TNIP1: variants seen among roughly 807,000 people sequenced by gnomAD.
TNIP1 encodes the protein TNFAIP3 interacting protein 1.
In TNIP1, 22 loss-of-function variants were observed where a neutral mutation model predicts 86.6. The ratio of observed to expected loss-of-function variants is 0.25; its 90% CI spans 0.18 to 0.36. The LOEUF (loss-of-function observed/expected upper bound fraction) is 0.36. TNIP1 is among the 10% of genes least tolerant of loss of function. The pLI is 1.00. For missense variants in TNIP1, 709 were observed against 820.6 expected (o/e 0.86, Z 1.66); for synonymous variants, 294 against 313.0 (o/e 0.94, Z 0.64).
At chr5:151,064,665 A>T (rs1413589790) in intron 2 of TNIP1, among the ~76,000 whole-genome samples, 3 of 152,154 alleles carry the variant, frequency 2.0e-5, no homozygotes, top group Non-Finnish European at 4.4e-5. Flanking sequence ...CTCTAGTTCC[A>T]TGGCCATTAA....
rs1002093576 is a variant in TNIP1 at position 151,052,706 on chromosome 5, C to T, written c.628-447G>A. Among the ~76,000 whole-genome samples the T allele has an allele frequency of 2.6e-5, 4 of 152,212 alleles. No homozygotes were observed. In the East Asian group the frequency reaches 5.8e-4, roughly 22 times the overall value. ...CCTTGCTCACAGCCCCCCGCTTTTA[C>T]GCTTCTCAGCACCTGTGGCAGATAA... On this transcript the variant is annotated intron_variant, in intron 6 of 17. Transcript: ENST00000521591.
Position 151,042,580 on chromosome 5 carries a change from C to A in TNIP1, c.1094G>T (p.Arg365Leu), listed in dbSNP as rs375343575. ...CTTGGACTTGGCCAGGAGGAGCTTG[C>A]GGTCAAAGTCACGCTGCTTCTGCTC... ...EREQKQRDFD[R>L]KLLLAKSKIE... is the part of the protein sequence containing the mutation. Residue 365 changes from arginine to leucine, a missense_variant, in exon 11 of 18, where the codon CGC becomes CTC. Coordinates refer to ENST00000521591, the MANE Select transcript of TNIP1 (RefSeq NM_006058.5). The A allele has an allele frequency of 1.2e-6, 2 of 1,613,620 alleles. No homozygotes were observed. The highest frequency in any genetic ancestry group is 2.7e-5 in the African/African-American group (2 of 75,034).
chr5:151,043,783 A>G (rs573941911), intron 9 of TNIP1, among the ~76,000 whole-genome samples: 39 of 149,990 alleles, frequency 2.6e-4, no homozygotes, highest in African/African-American at 9.4e-4. Context: ...CTTAAAAAAA[A>G]AAAAGAAAAG....
intron 7 of TNIP1, among the ~76,000 whole-genome samples, chr5:151,050,760 C>T (rs1759814997): frequency 6.6e-6 from 1 of 152,058 alleles, no homozygotes. Flanking sequence ...CAGCCACCCC[C>T]AACCTCCCCC....
chr5:151,061,615 G>A (rs1761578929), intron 4 of TNIP1, among the ~76,000 whole-genome samples: 1 of 152,016 alleles, frequency 6.6e-6, no homozygotes, highest in Non-Finnish European at 1.5e-5. Context: ...CCAAGTAGCT[G>A]GAACCACAGA....
rs761038815 is a variant in TNIP1 at position 151,042,978 on chromosome 5, G to A, written c.937-17C>T. 14 of 1,613,844 alleles carry A rather than the reference G, an allele frequency of 8.7e-6. No homozygotes were observed. The highest frequency in any genetic ancestry group is 1.2e-5 in the Non-Finnish European group (14 of 1,179,910). On this transcript the variant is annotated splice_polypyrimidine_tract_variant and intron_variant, in intron 9 of 17. Coordinates refer to ENST00000521591, the MANE Select transcript of TNIP1 (RefSeq NM_006058.5). ...TTCCAGCAGCTGTGGGGAGAGACTGGAGTTAGCAGGAGATGAGCAGAGAAG... is the reference window on the plus strand; with the variant it reads ...TTCCAGCAGCTGTGGGGAGAGACTGAAGTTAGCAGGAGATGAGCAGAGAAG...
At chr5:151,076,347 G>T (rs1340487159) in intron 1 of TNIP1, among the ~76,000 whole-genome samples, 1 of 152,128 alleles carries the variant, frequency 6.6e-6, no homozygotes, top group African/African-American at 2.4e-5. Context: ...GGCATGTGGG[G>T]GCATAGCAGC....
rs375814786 is a variant in TNIP1, at chr5:151,064,896, GAGGGAC to G, written c.136+58_136+63del. 7.0e-4 allele frequency: 1,118 copies of G among 1,606,484 alleles called. 9 individuals are homozygous for G. In the African/African-American group the frequency reaches 0.013, roughly 19 times the overall value. ...CCAGCTTCATTCTCCACTGCTAGTA[GAGGGAC>G]TGGCATCACAGTCTGCAGGGAGGGG... is the stretch of plus-strand genomic sequence containing the variant. On this transcript the variant is annotated intron_variant, in intron 2 of 17. Coordinates refer to ENST00000521591, the MANE Select transcript of TNIP1 (RefSeq NM_006058.5).
Position 151,062,326 on chromosome 5 carries a change from G to C in TNIP1, c.272-114C>G, listed in dbSNP as rs1368786130. 7 of 949,866 alleles carry C rather than the reference G, an allele frequency of 7.4e-6. No homozygotes were observed. In the Admixed American group the frequency reaches 1.0e-4, roughly 14 times the overall value. The allele number at this position is 949,866 out of a possible 1,614,324, so 58.8% of individuals were successfully genotyped here. ...TTCTCAGACAGGATTCCCCACTCGA[G>C]TGTGGGAGAATGGGAGGTGGTCTCA... is the stretch of plus-strand genomic sequence containing the variant. On this transcript the variant is annotated intron_variant, in intron 3 of 17. Coordinates refer to ENST00000521591, the MANE Select transcript of TNIP1 (RefSeq NM_006058.5).
At chr5:151,055,778 G>A (rs1384810081) in intron 6 of TNIP1, among the ~76,000 whole-genome samples, 1 of 152,236 alleles carries the variant, frequency 6.6e-6, no homozygotes, top group Non-Finnish European at 1.5e-5. Flanking sequence ...AGAATGGCCT[G>A]GGAGGAGAGT....
chr5:151,059,866 T>TGTGTGCGCGC (rs142393672), intron 5 of TNIP1, among the ~76,000 whole-genome samples: 1 of 82,700 alleles, frequency 1.2e-5, no homozygotes, highest in African/African-American at 5.0e-5. Context: ...TGTGTGTGTG[T>TGTGTGCGCGC]GCGCGCGCGC....
chr5:151,049,313 C>A (rs1759591490), intron 8 of TNIP1, among the ~76,000 whole-genome samples: 1 of 152,058 alleles, frequency 6.6e-6, no homozygotes, highest in African/African-American at 2.4e-5. Context: ...GGGGAGTGGG[C>A]CAGCCCTGCA....
intron 1 of TNIP1, among the ~76,000 whole-genome samples, chr5:151,066,728 G>A (rs565749413): frequency 3.9e-5 from 6 of 152,256 alleles, no homozygotes; most frequent in African/African-American, 1.4e-4. Context: ...TGAGGCTCAG[G>A]GCGGTTAAGT....
rs776965065 is a variant in TNIP1, at chr5:151,033,627, T to C, written c.1760A>G (p.Asn587Ser). Residue 587 changes from asparagine (N) to serine (S), a missense_variant, in exon 16 of 18, where the codon AAC becomes AGC. By Grantham distance (46) the Asn-to-Ser change is conservative. Coordinates refer to ENST00000521591, the MANE Select transcript of TNIP1 (RefSeq NM_006058.5). ...ACTCACCAGATGGAAGAGGCGCGAG[T>C]TGGGGAGTGGGGGCGGGTGCTCCAT... ...MAMEHPPPLP[N>S]SRLFHLPEYT... 2.8e-5 allele frequency: 37 copies of C among 1,322,742 alleles called. No homozygotes were observed. The highest frequency in any genetic ancestry group is 3.4e-5 in the Non-Finnish European group (35 of 1,018,626). The allele number at this position is 1,322,742 out of a possible 1,614,324, so 81.9% of individuals were successfully genotyped here. A position where few individuals can be genotyped will look rare whatever the true frequency, so the allele number is the denominator to read the frequency against.
intron 3 of TNIP1, 117 bp from the exon 4 acceptor site, chr5:151,062,329 T>G: frequency 2.3e-6 from 2 of 862,344 alleles, no homozygotes; most frequent in Non-Finnish European, 3.7e-6. Flanking sequence ...CACTCGAGTG[T>G]GGGAGAATGG....
intron 4 of TNIP1, among the ~76,000 whole-genome samples, chr5:151,060,887 G>A (rs1376854566): frequency 1.3e-5 from 2 of 152,192 alleles, no homozygotes; most frequent in Admixed American, 6.5e-5. Context: ...AGGCCCAGAC[G>A]TCTCTGATCG....
chr5:151,068,634 G>A (rs1341535603), intron 1 of TNIP1, among the ~76,000 whole-genome samples: 4 of 152,298 alleles, frequency 2.6e-5, no homozygotes, highest in East Asian at 3.9e-4. Context: ...TCTCACTCAC[G>A]GCACAGGCAG....
Position 151,062,115 on chromosome 5 carries a change from A to G in TNIP1, c.357+12T>C. On this transcript the variant is annotated intron_variant, in intron 4 of 17. Coordinates refer to ENST00000521591, the MANE Select transcript of TNIP1 (RefSeq NM_006058.5). The stretch of plus-strand genomic sequence containing the variant: ...CAGGCAACCTCCACCCATGACTCCA[A>G]ATAAAACTTACACTGGATGGAGGCT... 6.2e-7 allele frequency: 1 copy of G among 1,613,768 alleles called. No homozygotes were observed. Among genetic ancestry groups the G allele is most frequent in the Non-Finnish European group, 8.5e-7 (1 of 1,179,702 alleles).
intron 1 of TNIP1, among the ~76,000 whole-genome samples, chr5:151,069,538 T>G (rs1460200373): frequency 6.6e-6 from 1 of 152,176 alleles, no homozygotes; most frequent in Non-Finnish European, 1.5e-5. Flanking sequence ...GGCTGCATCC[T>G]GGGGCCAGCT....
Sources: allele counts gnomAD v4.1 joint callset (sites outside exome capture counted in the v4.1 genomes callset), GRCh38; gene constraint gnomAD v4.1.1; transcripts MANE v1.5; gene names NCBI Gene and HGNC (gene_info 2026-07-23, HGNC 2026-07-21).